DAGLB: variants seen among roughly 807,000 people sequenced by gnomAD.
DAGLB encodes diacylglycerol lipase beta, also known as diacylglycerol lipase-beta.
In DAGLB, 66 loss-of-function variants were observed where a neutral mutation model predicts 72.1. The ratio of observed to expected loss-of-function variants is 0.92; its 90% confidence interval spans 0.75 to 1.12. The LOEUF (loss-of-function observed/expected upper bound fraction) is 1.12, where lower values mean the gene tolerates loss of function less well. Among genes scored for constraint, DAGLB ranks in the 50% most tolerant of loss-of-function variants. The pLI is 0.00. For synonymous variants in DAGLB, 414 were observed against 359.5 expected, an observed-to-expected ratio of 1.15 and a Z score of -1.71; for missense variants, 1,065 against 884.9, an observed-to-expected ratio of 1.20 and a Z score of -2.58.
At chr7:6,412,221 A>G (rs1447374087) in intron 13 of DAGLB, among the ~76,000 whole-genome samples, 4 of 152,188 alleles carry the variant, frequency 2.6e-5, no homozygotes, top group Non-Finnish European at 5.9e-5. Flanking sequence ...GCCAGCAGAC[A>G]TAAATTTCTA....
chr7:6,421,045 G>A (rs187798693), intron 9 of DAGLB, among the ~76,000 whole-genome samples: 214 of 152,306 alleles, frequency 1.4e-3, no homozygotes, highest in Middle Eastern at 3.4e-3. Context: ...GCTCACGCCC[G>A]TAATCCCAAT....
At chr7:6,430,686 T>C (rs979468999) in intron 5 of DAGLB, 79 bp from the exon 6 acceptor site, 2 of 1,365,894 alleles carry the variant, frequency 1.5e-6, no homozygotes, top group East Asian at 2.6e-5. Context: ...ACCTGAAACC[T>C]GAACTCATTC....
At chr7:6,411,107 C>G (rs1460355653) in intron 13 of DAGLB, among the ~76,000 whole-genome samples, 3 of 151,748 alleles carry the variant, frequency 2.0e-5, no homozygotes, top group East Asian at 1.9e-4. Flanking sequence ...CTCCTGACCT[C>G]GTGATCCACC....
chr7:6,440,624 C>T (rs1415612753), intron 2 of DAGLB, among the ~76,000 whole-genome samples: 1 of 152,104 alleles, frequency 6.6e-6, no homozygotes, highest in Non-Finnish European at 1.5e-5. Context: ...CGGCCGGGTG[C>T]AGTAGCTCAT....
At chr7:6,432,247 G>A (rs2115276509) in intron 5 of DAGLB, among the ~76,000 whole-genome samples, 1 of 152,126 alleles carries the variant, frequency 6.6e-6, no homozygotes, top group East Asian at 1.9e-4. Flanking sequence ...AGCTACTCAG[G>A]AGGCTGAGGC....
chr7:6,411,874 G>GT (rs1054338200), intron 13 of DAGLB, among the ~76,000 whole-genome samples: 2 of 151,902 alleles, frequency 1.3e-5, no homozygotes, highest in Admixed American at 1.3e-4. Context: ...TAATTTTTAA[G>GT]TTTTTTTTCT....
Position 6,409,846 on chromosome 7 carries a change from G to A in DAGLB, c.2010C>T (p.Asp670=), listed in dbSNP as rs749569067. ...SCPAQGVSSV[D]VA ...TTTCCAGTGGCCCTGGTCAGGCCAC[G>A]TCCACACTGGAGACCCCTTGTGCTG... Residue 670 remains aspartate, a synonymous_variant, in exon 15 of 15, where the codon GAC becomes GAT. Coordinates refer to ENST00000297056, the MANE Select transcript of DAGLB (RefSeq NM_139179.4). The A allele has an allele frequency of 1.2e-5, 20 of 1,613,736 alleles. No homozygotes were observed. Among genetic ancestry groups the A allele is most frequent in the East Asian group, 8.9e-5 (4 of 44,892 alleles).
intron 9 of DAGLB, among the ~76,000 whole-genome samples, chr7:6,420,647 T>C (rs1338788921): frequency 6.6e-6 from 1 of 152,126 alleles, no homozygotes; most frequent in Non-Finnish European, 1.5e-5. Flanking sequence ...TTCACGGCAC[T>C]GTGAACGCAC....
At chr7:6,440,818 G>A (rs767087647) in intron 2 of DAGLB, among the ~76,000 whole-genome samples, 1 of 152,044 alleles carries the variant, frequency 6.6e-6, no homozygotes, top group Non-Finnish European at 1.5e-5. Flanking sequence ...GCAGTGAGCT[G>A]AGATCCCACC....
intron 9 of DAGLB, chr7:6,417,609 T>C (rs1377050133): frequency 6.6e-6 from 1 of 151,984 alleles, no homozygotes; most frequent in East Asian, 1.9e-4. Context: ...CTGTGCCAAG[T>C]GGCTCACACC....
In DAGLB at chr7:6,416,624, C is replaced by T. The variant is rs370046574; in HGVS notation, c.1427+3G>A. The T allele has an allele frequency of 1.3e-5, 21 of 1,594,798 alleles. No individual in the cohort carries two copies. The African/African-American group carries it at 2.2e-4, about 16-fold the overall frequency. The stretch of plus-strand genomic sequence containing the variant: ...CTGTTAGAGCAGGAAAACAAAGGCT[C>T]ACCTCCACAGCCCCCGGGGTGGGGA... On this transcript the variant is annotated splice_donor_region_variant and intron_variant, in intron 11 of 14. Transcript: ENST00000297056.
chr7:6,428,440 G>A (rs1271511366), intron 6 of DAGLB, among the ~76,000 whole-genome samples: 3 of 151,526 alleles, frequency 2.0e-5, no homozygotes, highest in African/African-American at 4.8e-5. Context: ...AGAATTCAGA[G>A]AGGGATAGGA....
chr7:6,439,190 G>A (rs1230590163), intron 2 of DAGLB, among the ~76,000 whole-genome samples: 1 of 151,818 alleles, frequency 6.6e-6, no homozygotes, highest in African/African-American at 2.4e-5. Context: ...AGGATGCGGA[G>A]GTTGCAGTAA....
At chr7:6,418,982 GAATT>G (rs1332907032) in intron 9 of DAGLB, among the ~76,000 whole-genome samples, 1 of 151,012 alleles carries the variant, frequency 6.6e-6, no homozygotes, top group African/African-American at 2.4e-5. Flanking sequence ...AAGTTTCTAA[GAATT>G]AAATAATTCT....
intron 2 of DAGLB, among the ~76,000 whole-genome samples, chr7:6,440,444 G>A (rs915398353): frequency 6.6e-6 from 1 of 152,080 alleles, no homozygotes; most frequent in African/African-American, 2.4e-5. Context: ...TCAGTCTTCT[G>A]GATGGAGAGG....
intron 9 of DAGLB, chr7:6,417,179 G>A (rs1783946215): frequency 9.6e-6 from 4 of 417,340 alleles, no homozygotes; most frequent in Non-Finnish European, 1.3e-5. Context: ...GAGGACACTT[G>A]AGCCCAGGAG....
chr7:6,447,549 C>T (rs1000341101), intron 1 of DAGLB, among the ~76,000 whole-genome samples, 199 bp downstream of exon 1: 2 of 152,148 alleles, frequency 1.3e-5, no homozygotes, highest in Non-Finnish European at 2.9e-5. Context: ...CTGGGGGCTT[C>T]GGTTTGTCAT....
chr7:6,440,667 C>T (rs1042430667), intron 2 of DAGLB, among the ~76,000 whole-genome samples: 3 of 152,134 alleles, frequency 2.0e-5, no homozygotes, highest in African/African-American at 7.2e-5. Flanking sequence ...GAGGCCATGG[C>T]GGGAAGTTCG....
chr7:6,440,994 C>T (rs1221378629), intron 2 of DAGLB, among the ~76,000 whole-genome samples: 1 of 151,702 alleles, frequency 6.6e-6, no homozygotes, highest in Non-Finnish European at 1.5e-5. Context: ...GAGTTTCCCT[C>T]TTGTGAAAGT....
Sources: allele counts gnomAD v4.1 joint callset (sites outside exome capture counted in the v4.1 genomes callset), GRCh38; gene constraint gnomAD v4.1.1; transcripts MANE v1.5; gene names NCBI Gene and HGNC (gene_info 2026-07-23, HGNC 2026-07-21).